The following MYO3B variants were observed in gnomAD, a reference collection of about 807,000 sequenced individuals.
MYO3B encodes myosin IIIB.
Under a neutral mutation model 174.6 loss-of-function variants are expected in MYO3B, and 156 were observed. The ratio of observed to expected loss-of-function variants is 0.89; its 90% CI spans 0.78 to 1.02. MYO3B has a LOEUF of 1.02. Ranked by LOEUF, MYO3B falls within the 50% of genes least tolerant of loss-of-function variation. The pLI is 0.00. For synonymous variants in MYO3B, 563 were observed against 569.1 expected, an observed-to-expected ratio of 0.99 and a Z score of 0.15; for missense variants, 1,632 against 1,639.4, an observed-to-expected ratio of 1.00 and a Z score of 0.08.
intron 7 of MYO3B, among the ~76,000 whole-genome samples, chr2:170,306,716 G>C (rs1041047293): frequency 6.6e-6 from 1 of 152,166 alleles, no homozygotes; most frequent in Non-Finnish European, 1.5e-5. Context: ...TTCTGGCCCT[G>C]AGTTTACCTA....
chr2:170,517,585 A>G (rs948470772), intron 29 of MYO3B, among the ~76,000 whole-genome samples: 3 of 152,210 alleles, frequency 2.0e-5, no homozygotes, highest in African/African-American at 7.2e-5. Flanking sequence ...CCACAAGGGC[A>G]ATATCATTTG....
At chr2:170,352,574 G>A (rs1170723029) in intron 8 of MYO3B, among the ~76,000 whole-genome samples, 1 of 152,162 alleles carries the variant, frequency 6.6e-6, no homozygotes, top group African/African-American at 2.4e-5. Context: ...ACTGGTAAAT[G>A]TTTAAACTGG....
At chr2:170,575,437 TA>T (rs1302832815) in intron 32 of MYO3B, among the ~76,000 whole-genome samples, 1 of 152,116 alleles carries the variant, frequency 6.6e-6, no homozygotes, top group Non-Finnish European at 1.5e-5. Context: ...CATTGTAGGG[TA>T]AAAAAAGCAT....
chr2:170,341,826 A>C (rs1462015679), intron 8 of MYO3B, among the ~76,000 whole-genome samples: 1 of 152,050 alleles, frequency 6.6e-6, no homozygotes, highest in Non-Finnish European at 1.5e-5. Flanking sequence ...AAGAGCGTCT[A>C]ATTTAGATTA....
intron 32 of MYO3B, chr2:170,641,376 AT>A (rs1697934672): frequency 6.6e-6 from 1 of 152,178 alleles, no homozygotes; most frequent in African/African-American, 2.4e-5. Flanking sequence ...TTGCTGCACA[AT>A]TTCTGGATGG....
chr2:170,200,799 C>T (rs1484295825), intron 3 of MYO3B, among the ~76,000 whole-genome samples: 1 of 152,156 alleles, frequency 6.6e-6, no homozygotes, highest in African/African-American at 2.4e-5. Flanking sequence ...GCAAGGGAGA[C>T]ACTGAACAGC....
chr2:170,253,034 G>T (rs1190000064), intron 7 of MYO3B, among the ~76,000 whole-genome samples: 3 of 152,194 alleles, frequency 2.0e-5, no homozygotes, highest in Admixed American at 2.0e-4. Flanking sequence ...GAGATAGGAA[G>T]CCATTAGGGT....
intron 6 of MYO3B, among the ~76,000 whole-genome samples, chr2:170,230,645 C>T (rs77379797): frequency 0.016 from 2,401 of 152,070 alleles, 73 homozygotes; most frequent in African/African-American, 0.054. Flanking sequence ...ACATAAAATT[C>T]GCTTCTTTCT....
At chr2:170,361,053 C>T (rs2094156724) in intron 8 of MYO3B, among the ~76,000 whole-genome samples, 1 of 152,236 alleles carries the variant, frequency 6.6e-6, no homozygotes, top group Non-Finnish European at 1.5e-5. Flanking sequence ...CTATCTTCCT[C>T]CAATGGACTG....
At chr2:170,642,747 T>G (rs1698074733) in intron 32 of MYO3B, among the ~76,000 whole-genome samples, 2 of 152,050 alleles carry the variant, frequency 1.3e-5, no homozygotes, top group South Asian at 4.2e-4. Context: ...CACAGAGAAT[T>G]TTCCTCCATG....
intron 30 of MYO3B, among the ~76,000 whole-genome samples, chr2:170,525,910 C>A (rs1474508617): frequency 6.6e-6 from 1 of 152,140 alleles, no homozygotes; most frequent in Non-Finnish European, 1.5e-5. Context: ...GACTGTTGAA[C>A]AGAACAAATC....
intron 25 of MYO3B, among the ~76,000 whole-genome samples, chr2:170,474,048 A>G (rs944252755): frequency 6.6e-6 from 1 of 152,198 alleles, no homozygotes; most frequent in Non-Finnish European, 1.5e-5. Flanking sequence ...AAATTAGGAA[A>G]TCCAAAGACA....
intron 23 of MYO3B, among the ~76,000 whole-genome samples, chr2:170,449,296 G>A (rs530776028): frequency 6.6e-6 from 1 of 152,112 alleles, no homozygotes; most frequent in Non-Finnish European, 1.5e-5. Context: ...CTCCAGTTGT[G>A]CCCTGTTACA....
At chr2:170,340,272 C>T (rs2093968968) in intron 8 of MYO3B, 1 of 152,094 alleles carries the variant, frequency 6.6e-6, no homozygotes, top group African/African-American at 2.4e-5. Context: ...ATCAGTGGTC[C>T]TTGAGCCGAT....
At chr2:170,377,188 C>A (rs962949856) in intron 9 of MYO3B, among the ~76,000 whole-genome samples, 1 of 152,194 alleles carries the variant, frequency 6.6e-6, no homozygotes, top group Admixed American at 6.5e-5. Flanking sequence ...TATTAGAGAA[C>A]AATGACACAG....
chr2:170,377,279 A>G (rs2094300924), intron 9 of MYO3B, among the ~76,000 whole-genome samples: 2 of 152,206 alleles, frequency 1.3e-5, no homozygotes, highest in Non-Finnish European at 1.5e-5. Flanking sequence ...TTTCATGAGA[A>G]TAATTCTTCT....
intron 7 of MYO3B, among the ~76,000 whole-genome samples, chr2:170,266,916 T>C (rs1205121063): frequency 1.3e-5 from 2 of 152,182 alleles, no homozygotes; most frequent in African/African-American, 4.8e-5. Flanking sequence ...GATTTTATTG[T>C]TTTGAAAACC....
chr2:170,317,503 G>C (rs1275540265), intron 7 of MYO3B, among the ~76,000 whole-genome samples: 1 of 152,128 alleles, frequency 6.6e-6, no homozygotes, highest in Non-Finnish European at 1.5e-5. Context: ...GGGCCATTTT[G>C]GGAAGATTTC....
At chr2:170,250,359 A>AAAAGTTTGGAGGCCACTGT (rs1273366173) in intron 7 of MYO3B, among the ~76,000 whole-genome samples, 3 of 152,206 alleles carry the variant, frequency 2.0e-5, no homozygotes, top group Non-Finnish European at 4.4e-5. Context: ...GTGCAGTCAA[A>AAAAGTTTGGAGGCCACTGT]AAAGTTTGGA....
Sources: gnomAD v4.1 joint callset for allele counts (sites outside exome capture counted in the v4.1 genomes callset) on GRCh38, gnomAD v4.1.1 for gene constraint, MANE v1.5 for transcripts, NCBI Gene and HGNC (gene_info 2026-07-23, HGNC 2026-07-21) for gene names.